The following IL3RA variants were observed in gnomAD, a reference collection of about 807,000 sequenced individuals.
The protein encoded by IL3RA is interleukin-3 receptor subunit alpha.
In IL3RA, 73 loss-of-function variants were observed where a neutral mutation model predicts 52.3. That is an observed-to-expected ratio of 1.40 (90% CI 1.16 to 1.70). The LOEUF is 1.70. Among genes scored for constraint, IL3RA ranks in the 40% most tolerant of loss-of-function variants. The pLI is 0.00. For synonymous variants in IL3RA, 260 were observed against 194.0 expected, an observed-to-expected ratio of 1.34 and a Z score of -2.83; for missense variants, 664 against 504.4, an observed-to-expected ratio of 1.32 and a Z score of -3.03.
chrX:1,348,612 C>T lies in IL3RA; in HGVS notation c.298+67C>T, dbSNP rs192992070. On this transcript the variant is annotated intron_variant, in intron 4 of 11. Transcript: ENST00000331035. The stretch of plus-strand genomic sequence containing the variant: ...CCTCCTTCCCTCTCTCCCTCCCTCT[C>T]GCCTTCGCTGTGTCTTTTTTCTTTT... 3.7e-3 allele frequency: 4,027 copies of T among 1,094,402 alleles called. 146 individuals carry two copies. The African/African-American group carries it at 0.056, about 15-fold the overall frequency. 67.8% of individuals were successfully genotyped at this position (1,094,402 alleles called of 1,614,324 possible). A position where few individuals can be genotyped will look rare whatever the true frequency, so the allele number is the denominator to read the frequency against.
chrX:1,342,878 C>A (rs1156395790), intron 2 of IL3RA, among the ~76,000 whole-genome samples: 2 of 151,422 alleles, frequency 1.3e-5, no homozygotes, highest in Non-Finnish European at 2.9e-5. Context: ...AGTTCGTGAC[C>A]AGCCTGACTA....
At chrX:1,376,579 C>T (rs374605108) in intron 9 of IL3RA, among the ~76,000 whole-genome samples, 9,093 of 62,472 alleles carry the variant, frequency 0.15, 2 homozygotes, top group South Asian at 0.23. Context: ...GACTAAGACA[C>T]CTCATAAGAA....
At chrX:1,344,809 A>G (rs1305211320) in intron 2 of IL3RA, among the ~76,000 whole-genome samples, 155 of 150,932 alleles carry the variant, frequency 1.0e-3, no homozygotes, top group Non-Finnish European at 1.5e-3. Flanking sequence ...AAAGAACTCG[A>G]CCTCCCAAAG....
chrX:1,364,464 C>G (rs1254386308), intron 8 of IL3RA, among the ~76,000 whole-genome samples: 1 of 152,150 alleles, frequency 6.6e-6, no homozygotes, highest in African/African-American at 2.4e-5. Flanking sequence ...GCACTCCAGC[C>G]TGGGCAACAA....
rs2086155521 is a variant in IL3RA, at chrX:1,352,582, G to A, written c.616+76G>A. ...CTTTAGCGCCAGGCCAGATCCCACG[G>A]GACCACGTGGCTCCCAACGCAGACG... On this transcript the variant is annotated intron_variant, in intron 6 of 11. Coordinates refer to ENST00000331035, the MANE Select transcript of IL3RA (RefSeq NM_002183.4). 3.5e-6 allele frequency: 5 copies of A among 1,433,192 alleles called. No homozygotes were observed. The Admixed American group carries it at 6.2e-5, about 18-fold the overall frequency. The allele number at this position is 1,433,192 out of a possible 1,614,324, so 88.8% of individuals were successfully genotyped here.
Position 1,343,573 on chromosome X carries a change from A to T in IL3RA, c.65-1743A>T, listed in dbSNP as rs1477700930. On this transcript the variant is annotated intron_variant, in intron 2 of 11. Coordinates refer to ENST00000331035, the MANE Select transcript of IL3RA (RefSeq NM_002183.4). ...TCCCTGCTACTCAGGAGGCTGAGGCAGGAGAATCACTTGAACCCGGGAGGC... is the reference window on the plus strand; with the variant it reads ...TCCCTGCTACTCAGGAGGCTGAGGCTGGAGAATCACTTGAACCCGGGAGGC... Among the ~76,000 whole-genome samples, 4 of 148,900 alleles carry T rather than the reference A, an allele frequency of 2.7e-5. No homozygotes were observed. The East Asian group carries it at 8.3e-4, about 31-fold the overall frequency.
chrX:1,337,050 A>C (rs1284835405), intron 1 of IL3RA, 124 bp downstream of exon 1: 1 of 152,222 alleles, frequency 6.6e-6, no homozygotes, highest in African/African-American at 2.4e-5. Flanking sequence ...GTTTCTGCTG[A>C]GACCTGCTGT....
intron 10 of IL3RA, among the ~76,000 whole-genome samples, chrX:1,380,073 C>T (rs112220736): frequency 5.2e-5 from 7 of 133,908 alleles, no homozygotes; most frequent in South Asian, 2.5e-4. Flanking sequence ...TTTGTATTTT[C>T]AGTAGAGACG....
intron 6 of IL3RA, among the ~76,000 whole-genome samples, chrX:1,354,498 G>A (rs1457702554): frequency 6.8e-6 from 1 of 148,016 alleles, no homozygotes; most frequent in Non-Finnish European, 1.5e-5. Context: ...AGCAGGGGGA[G>A]GAGGAGGAGA....
rs780716405 is a variant in IL3RA, at chrX:1,379,618, G to T, written c.980+854G>T. On this transcript the variant is annotated intron_variant, in intron 10 of 11. Transcript: ENST00000331035. ...CTCCCCTGCCCTGCCCAGCGGGCCT[G>T]ACACAGTCAGAGGGCGAAAGGCCAG... Among the ~76,000 whole-genome samples the T allele has an allele frequency of 1.6e-4, 25 of 152,360 alleles. No homozygotes were observed. The South Asian group carries it at 1.7e-3, about 10-fold the overall frequency.
intron 9 of IL3RA, 120 bp from the exon 10 acceptor site, chrX:1,378,539 C>A (rs1368719600): frequency 9.6e-6 from 8 of 829,032 alleles, no homozygotes; most frequent in Admixed American, 8.7e-5. Context: ...GTGTCCCCCC[C>A]TGGACGCCAC....
At chrX:1,364,090 A>G (rs2087718016) in intron 8 of IL3RA, among the ~76,000 whole-genome samples, 1 of 151,828 alleles carries the variant, frequency 6.6e-6, no homozygotes, top group Non-Finnish European at 1.5e-5. Flanking sequence ...CGGGAGGCTG[A>G]GGCAGGAGAA....
At chrX:1,378,525 T>G (rs758384734) in intron 9 of IL3RA, 134 bp from the exon 10 acceptor site, 1 of 722,820 alleles carries the variant, frequency 1.4e-6, no homozygotes. Context: ...GTGGCACTAC[T>G]GGGGTGTCCC....
chrX:1,363,541 GC>G (rs1399969209), intron 8 of IL3RA, among the ~76,000 whole-genome samples: 1 of 150,924 alleles, frequency 6.6e-6, no homozygotes, highest in Non-Finnish European at 1.5e-5. Context: ...GCCCGCCTTG[GC>G]CCTCCAAAGT....
intron 4 of IL3RA, among the ~76,000 whole-genome samples, chrX:1,351,739 C>T (rs1240230793): frequency 6.6e-6 from 1 of 151,588 alleles, no homozygotes; most frequent in Non-Finnish European, 1.5e-5. Context: ...AGAAATTCTC[C>T]TGCCTCAGCC....
At chrX:1,354,361 A>C (rs1319139262) in intron 6 of IL3RA, among the ~76,000 whole-genome samples, 2 of 151,922 alleles carry the variant, frequency 1.3e-5, no homozygotes, top group Admixed American at 6.6e-5. Context: ...TGAGAATGTC[A>C]ATATGCCCAG....
At chrX:1,343,023 C>G (rs774076603) in intron 2 of IL3RA, among the ~76,000 whole-genome samples, 6 of 151,628 alleles carry the variant, frequency 4.0e-5, no homozygotes, top group Non-Finnish European at 4.4e-5. Context: ...TGCAGTGAGC[C>G]TAGATCACGC....
chrX:1,345,345 A>G lies in IL3RA; in HGVS notation c.94A>G (p.Met32Val). 6.8e-6 allele frequency: 11 copies of G among 1,611,486 alleles called. No homozygotes were observed. Among genetic ancestry groups the G allele is most frequent in the Non-Finnish European group, 8.5e-6 (10 of 1,178,502 alleles). ...DPNPPITNLR[M>V]KAKAQQLTWD... ...AAACCCACCAATCACGAACCTAAGG[A>G]TGAAAGCAAAGGCTCAGCAGTTGAC... The change falls in exon 3 of 12, where the codon ATG becomes GTG. Residue 32 changes from methionine (M) to valine (V), a missense_variant. Physicochemically the swap from Met to Val is conservative, Grantham distance 21. Coordinates refer to ENST00000331035, the MANE Select transcript of IL3RA (RefSeq NM_002183.4).
intron 9 of IL3RA, among the ~76,000 whole-genome samples, chrX:1,373,808 C>G (rs1297819910): frequency 1.5e-5 from 1 of 65,672 alleles, no homozygotes; most frequent in Non-Finnish European, 2.5e-5. Flanking sequence ...GATGAGGACA[C>G]AGACACACAC....
Sources: gnomAD v4.1 joint callset for allele counts (sites outside exome capture counted in the v4.1 genomes callset) on GRCh38, gnomAD v4.1.1 for gene constraint, MANE v1.5 for transcripts, NCBI Gene and HGNC (gene_info 2026-07-23, HGNC 2026-07-21) for gene names.